CD207: variants seen among roughly 807,000 people sequenced by gnomAD.
The protein encoded by CD207 is CD207 molecule.
CD207 carries 28 observed loss-of-function variants against 31.6 expected under a neutral mutation model. The ratio of observed to expected loss-of-function variants is 0.89; its 90% CI spans 0.66 to 1.21. CD207 has a LOEUF of 1.21. CD207 is among the 50% of genes most tolerant of loss of function. CD207 has a pLI of 0.00. For synonymous variants in CD207, 168 were observed against 153.9 expected, an observed-to-expected ratio of 1.09 and a Z score of -0.68; for missense variants, 388 against 397.8, an observed-to-expected ratio of 0.98 and a Z score of 0.21.
At chr2:70,832,453 A>G (rs1677499412) in intron 4 of CD207, among the ~76,000 whole-genome samples, 1 of 152,216 alleles carries the variant, frequency 6.6e-6, no homozygotes, top group South Asian at 2.1e-4. Flanking sequence ...AAGGCTGTTC[A>G]CAAATATTTC....
At chr2:70,826,478 G>A (rs1226971662), downstream of CD207, among the ~76,000 whole-genome samples, 1 of 152,164 alleles carries the variant, frequency 6.6e-6, no homozygotes, top group Non-Finnish European at 1.5e-5. Context: ...TTGAGCCCAA[G>A]CAATCCTCCC....
At chr2:70,825,334 G>C (rs1295954376), downstream of CD207, among the ~76,000 whole-genome samples, 2 of 152,158 alleles carry the variant, frequency 1.3e-5, no homozygotes, top group African/African-American at 4.8e-5. Context: ...GATCCTAGGA[G>C]AGAAAAAGGA....
At chr2:70,834,072 G>A in intron 2 of CD207, 52 bp from the exon 3 acceptor site, 4 of 1,447,186 alleles carry the variant, frequency 2.8e-6, no homozygotes, top group Middle Eastern at 2.0e-4. Flanking sequence ...AGGGACAGGA[G>A]TGGGGGTGTT....
At chr2:70,825,375 A>C (rs1558624691), downstream of CD207, among the ~76,000 whole-genome samples, 1 of 152,194 alleles carries the variant, frequency 6.6e-6, no homozygotes, top group Non-Finnish European at 1.5e-5. Context: ...AATCTGAATA[A>C]AGTATGGACT....
In CD207 at chr2:70,833,162, G is replaced by C. The variant is rs374213451; in HGVS notation, c.566-111C>G. ...GAGACAGCAGCAAATGGAGCTGTGC[G>C]CTGGTGTCCTTGGGTCCTTGTATAG... is the stretch of plus-strand genomic sequence containing the variant. On this transcript the variant is annotated intron_variant, in intron 3 of 5. Transcript: ENST00000410009. 4 of 991,582 alleles carry C rather than the reference G, an allele frequency of 4.0e-6. 1 individual carries two copies. In the South Asian group the frequency reaches 4.4e-5, roughly 11 times the overall value. 61.4% of individuals were successfully genotyped at this position (991,582 alleles called of 1,614,324 possible).
In CD207 at chr2:70,833,673, T is replaced by G. The variant is rs1553400268; in HGVS notation, c.538A>C (p.Asn180His). Residue 180 changes from asparagine (N) to histidine (H), a missense_variant, in exon 3 of 6, where the codon AAT becomes CAT. Coordinates refer to ENST00000410009, the MANE Select transcript of CD207 (RefSeq NM_015717.5). ...KIRALQGSLE[N>H]MSKLLKRQND... Reference sequence around the variant, plus strand: ...TGTCGTTTGAGCAACTTGCTCATATTCTCCAAGCTGCCCTGGAGTGCCCGG... The same window carrying G: ...TGTCGTTTGAGCAACTTGCTCATATGCTCCAAGCTGCCCTGGAGTGCCCGG... 1 of 1,612,450 alleles carries G rather than the reference T, an allele frequency of 6.2e-7. No individual in the cohort carries two copies. Among genetic ancestry groups the G allele is most frequent in the Non-Finnish European group, 8.5e-7 (1 of 1,179,164 alleles).
rs1399791568 is a variant in CD207, at chr2:70,833,823, C to T, written c.388G>A (p.Val130Met). ...RSQFLKLKTS[V>M]EKANAQIQIL... ...TGGATCTGTGCGTTGGCCTTCTCCACACTGGTTTTTAACTTCAGGAACTGA... is the reference window on the plus strand; with the variant it reads ...TGGATCTGTGCGTTGGCCTTCTCCATACTGGTTTTTAACTTCAGGAACTGA... Residue 130 changes from valine (V) to methionine (M), a missense_variant, in exon 3 of 6, where the codon GTG becomes ATG. Transcript: ENST00000410009. 9 of 1,613,900 alleles carry T rather than the reference C, an allele frequency of 5.6e-6. No individual in the cohort carries two copies. Among genetic ancestry groups the T allele is most frequent in the Non-Finnish European group, 7.6e-6 (9 of 1,179,890 alleles).
chr2:70,828,943 G>A (rs145885528), downstream of CD207, among the ~76,000 whole-genome samples: 7,946 of 152,230 alleles, frequency 0.052, 278 homozygotes, highest in Non-Finnish European at 0.077. Flanking sequence ...GGGATTATAG[G>A]CATGAGCCAC....
chr2:70,826,759 G>A (rs534529021), downstream of CD207, among the ~76,000 whole-genome samples: 2 of 152,302 alleles, frequency 1.3e-5, no homozygotes, highest in East Asian at 1.9e-4. Context: ...CCTAAACCAA[G>A]AAGCTGTTCA....
At chr2:70,833,232 T>A (rs1259697248) in intron 3 of CD207, among the ~76,000 whole-genome samples, 181 bp from the exon 4 acceptor site, 1 of 152,078 alleles carries the variant, frequency 6.6e-6, no homozygotes, top group Non-Finnish European at 1.5e-5. Flanking sequence ...AGACAGAGAC[T>A]AATAGAGTCT....
rs1677478607 is a variant in CD207, at chr2:70,831,726, G to A, written c.811C>T (p.Pro271Ser). 1 of 1,612,200 alleles carries A rather than the reference G, an allele frequency of 6.2e-7. No individual in the cohort carries two copies. Among genetic ancestry groups the A allele is most frequent in the Non-Finnish European group, 8.5e-7 (1 of 1,178,248 alleles). The change falls in exon 5 of 6, where the codon CCA (proline) becomes TCA (serine). Residue 271 changes from proline (P) to serine (S), a missense_variant. By Grantham distance (74) the Pro-to-Ser change is moderately conservative. Transcript: ENST00000410009. ...EGDWSWVDDT[P>S]FNKVQSVRFW... Reference sequence around the variant, plus strand: ...CTCACACTTTGGACCTTGTTGAATGGCGTGTCATCCACCCAGGACCAGTCC... The same window carrying A: ...CTCACACTTTGGACCTTGTTGAATGACGTGTCATCCACCCAGGACCAGTCC...
At chr2:70,829,557 T>A (rs1449892793), downstream of CD207, among the ~76,000 whole-genome samples, 5 of 152,158 alleles carry the variant, frequency 3.3e-5, no homozygotes, top group African/African-American at 9.7e-5. Flanking sequence ...CTGGTCCAGA[T>A]GATAGGAAAT....
At chr2:70,828,786 C>T (rs1471764309), downstream of CD207, among the ~76,000 whole-genome samples, 1 of 152,168 alleles carries the variant, frequency 6.6e-6, no homozygotes, top group Non-Finnish European at 1.5e-5. Context: ...CTGCCTCAGT[C>T]TCCCAAGTAG....
chr2:70,832,154 A>G (rs556658135), intron 4 of CD207, among the ~76,000 whole-genome samples: 26 of 152,348 alleles, frequency 1.7e-4, no homozygotes, highest in African/African-American at 5.5e-4. Context: ...TGAGCCCTGA[A>G]TCCACATACG....
Position 70,835,771 on chromosome 2 carries a change from A to C in CD207, c.6T>G (p.Thr2=), listed in dbSNP as rs372992930. ...GCGCATCAGGGGCCTCCTTCTCCAC[A>C]GTCATCCTGAGTGCTCACCCTTATC... M[T]VEKEAPDAHF... Residue 2 remains threonine, a synonymous_variant, in exon 1 of 6, where the codon ACT becomes ACG. Transcript: ENST00000410009. The C allele has an allele frequency of 1.6e-4, 256 of 1,610,528 alleles. 2 individuals carry two copies. In the African/African-American group the frequency reaches 3.1e-3, roughly 20 times the overall value.
intron 4 of CD207, 30 bp from the exon 5 acceptor site, chr2:70,831,849 C>T (rs563963736): frequency 3.5e-5 from 49 of 1,388,738 alleles, no homozygotes; most frequent in Admixed American, 2.3e-4. Context: ...AGCAGAGGTG[C>T]GGCCACACTT....
rs1553399724 is a variant in CD207 at position 70,831,242 on chromosome 2, ATC to A, written c.837-44_837-43del. On this transcript the variant is annotated intron_variant, in intron 5 of 5. Transcript: ENST00000410009. ...AAAAGATGGATTTACAAAGTGGAAAATCAAAAAGAACTTATTTCCAGTGAAGA... is the reference window on the plus strand; with the variant it reads ...AAAAGATGGATTTACAAAGTGGAAAAAAAAAGAACTTATTTCCAGTGAAGA... The A allele has an allele frequency of 6.4e-6, 10 of 1,574,592 alleles. No homozygotes were observed. In the Admixed American group the frequency reaches 1.7e-4, roughly 26 times the overall value.
At chr2:70,832,707 C>G (rs1677504545) in intron 4 of CD207, among the ~76,000 whole-genome samples, 193 bp downstream of exon 4, 1 of 152,218 alleles carries the variant, frequency 6.6e-6, no homozygotes, top group Non-Finnish European at 1.5e-5. Context: ...ACTCCTTGGG[C>G]CTGGGTCCTT....
In CD207 at chr2:70,835,463, G is replaced by A. The variant is rs1553400827; in HGVS notation, c.190+28C>T. 21 of 1,543,910 alleles carry A rather than the reference G, an allele frequency of 1.4e-5. No individual in the cohort carries two copies. In the Admixed American group the frequency reaches 3.0e-4, roughly 22 times the overall value. ...CCGGCTGGCCACAGAGAGGGGCTAA[G>A]CCCAGACGATGAAACATGAGGACTT... On this transcript the variant is annotated intron_variant, in intron 2 of 5. Coordinates refer to ENST00000410009, the MANE Select transcript of CD207 (RefSeq NM_015717.5).
Sources: gnomAD v4.1 joint callset for allele counts (sites outside exome capture counted in the v4.1 genomes callset) on GRCh38, gnomAD v4.1.1 for gene constraint, MANE v1.5 for transcripts, NCBI Gene and HGNC (gene_info 2026-07-23, HGNC 2026-07-21) for gene names.